LINGO2: variants seen among roughly 807,000 people sequenced by gnomAD.
The protein encoded by LINGO2 is leucine-rich repeat and immunoglobulin-like domain-containing nogo receptor-interacting protein 2.
LINGO2 carries 14 observed loss-of-function variants against 30.6 expected under a neutral mutation model. That is an observed-to-expected ratio of 0.46 (90% CI 0.30 to 0.72). LINGO2 has a LOEUF of 0.72. Among genes scored for constraint, LINGO2 ranks in the 30% least tolerant of loss-of-function variants. LINGO2 has a pLI of 0.07. For missense variants in LINGO2, 729 were observed against 751.7 expected (o/e 0.97, Z 0.35); for synonymous variants, 317 against 288.5 (o/e 1.10, Z -1.00).
intron 4 of LINGO2, among the ~76,000 whole-genome samples, chr9:28,060,771 G>T (rs1036240634): frequency 7.2e-5 from 11 of 152,150 alleles, no homozygotes; most frequent in Non-Finnish European, 1.5e-4. Context: ...TCAGTCCAAG[G>T]TTGGGCAAAT....
At position 28,425,993 on chromosome 9, in the gene LINGO2, T is replaced by G. The variant is rs374151210; in HGVS notation, c.-279+49947A>C. Among the ~76,000 whole-genome samples, 17 of 152,208 alleles carry G rather than the reference T, an allele frequency of 1.1e-4. 1 individual carries two copies. The East Asian group carries it at 3.1e-3, about 28-fold the overall frequency. Reference sequence around the variant, plus strand: ...TTTCAAGATTAAATTCATCTATAACTATAATTTGCTTTGCTTCAGAGAAGA... The same window carrying G: ...TTTCAAGATTAAATTCATCTATAACGATAATTTGCTTTGCTTCAGAGAAGA... On this transcript the variant is annotated intron_variant, in intron 2 of 5. Transcript: ENST00000379992.
At chr9:28,614,352 T>G (rs1826046009) in intron 1 of LINGO2, among the ~76,000 whole-genome samples, 2 of 152,070 alleles carry the variant, frequency 1.3e-5, no homozygotes, top group African/African-American at 4.8e-5. Context: ...TTAGTGAAAA[T>G]AACGAAAAAT....
At chr9:28,721,146 C>T in the LINGO2 span, among the ~76,000 whole-genome samples, 10 of 152,058 alleles carry the variant, frequency 6.6e-5, no homozygotes, top group East Asian at 3.9e-4. Flanking sequence ...GTTAGAATGG[C>T]GATCATTAAC....
the LINGO2 span, among the ~76,000 whole-genome samples, chr9:28,953,951 G>C: frequency 2.0e-5 from 3 of 152,014 alleles, no homozygotes; most frequent in Middle Eastern, 3.4e-3. Flanking sequence ...CACTAAATTA[G>C]GCATAATCAA....
chr9:28,281,549 A>T (rs563439370), intron 4 of LINGO2, among the ~76,000 whole-genome samples: 64 of 152,216 alleles, frequency 4.2e-4, no homozygotes, highest in Non-Finnish European at 7.5e-4. Flanking sequence ...AAACTGAATG[A>T]TCAACATCTA....
upstream of LINGO2, among the ~76,000 whole-genome samples, chr9:28,675,252 A>C (rs1462290141): frequency 2.0e-5 from 3 of 152,156 alleles, no homozygotes. Context: ...CACTGCCTTT[A>C]AAGTTTCAAA....
intron 4 of LINGO2, among the ~76,000 whole-genome samples, chr9:28,247,976 T>G (rs1822062268): frequency 6.6e-6 from 1 of 152,146 alleles, no homozygotes; most frequent in African/African-American, 2.4e-5. Flanking sequence ...AGAGAGGATG[T>G]GGAAAAAAGG....
At chr9:28,194,394 G>A (rs1172166176) in intron 4 of LINGO2, among the ~76,000 whole-genome samples, 2 of 152,116 alleles carry the variant, frequency 1.3e-5, no homozygotes, top group African/African-American at 2.4e-5. Context: ...CCAGTTTACA[G>A]ATGTGGAAAT....
intron 1 of LINGO2, among the ~76,000 whole-genome samples, chr9:28,547,657 T>C (rs1309758315): frequency 6.6e-6 from 1 of 152,052 alleles, no homozygotes; most frequent in Non-Finnish European, 1.5e-5. Context: ...AGAAATGAAA[T>C]ACAGTGCTAA....
intron 1 of LINGO2, among the ~76,000 whole-genome samples, chr9:28,513,703 C>T (rs1820506594): frequency 6.6e-6 from 1 of 152,086 alleles, no homozygotes; most frequent in African/African-American, 2.4e-5. Context: ...ACATAGTAGT[C>T]TATTTTTCTT....
chr9:28,901,908 T>G, the LINGO2 span, among the ~76,000 whole-genome samples: 1 of 152,132 alleles, frequency 6.6e-6, no homozygotes, highest in South Asian at 2.1e-4. Context: ...AGACATAGAT[T>G]GACCAGGAAC....
At chr9:28,588,391 G>A in intron 1 of LINGO2, among the ~76,000 whole-genome samples, 1 of 151,954 alleles carries the variant, frequency 6.6e-6, no homozygotes, top group East Asian at 1.9e-4. Context: ...TTGCAGACTT[G>A]TTATCCAGTA....
the LINGO2 span, among the ~76,000 whole-genome samples, chr9:28,941,413 G>C: frequency 6.6e-6 from 1 of 152,098 alleles, no homozygotes; most frequent in Non-Finnish European, 1.5e-5. Context: ...AGCATATAAT[G>C]ATAGTACCAC....
chr9:28,929,584 A>G, the LINGO2 span, among the ~76,000 whole-genome samples: 1 of 152,096 alleles, frequency 6.6e-6, no homozygotes, highest in Admixed American at 6.6e-5. Context: ...TTTATTACTG[A>G]TCCTGAGGAG....
chr9:28,765,695 C>G, the LINGO2 span, among the ~76,000 whole-genome samples: 1 of 151,980 alleles, frequency 6.6e-6, no homozygotes, highest in Admixed American at 6.6e-5. Flanking sequence ...AAATTTCTCA[C>G]CAGAAGCTGC....
intron 4 of LINGO2, among the ~76,000 whole-genome samples, chr9:28,084,020 T>C (rs1825842528): frequency 6.6e-6 from 1 of 152,186 alleles, no homozygotes; most frequent in Admixed American, 6.6e-5. Flanking sequence ...CATATCCTCC[T>C]AGACCTTCTT....
chr9:28,260,875 T>C (rs182494622), intron 4 of LINGO2, among the ~76,000 whole-genome samples: 2 of 152,106 alleles, frequency 1.3e-5, no homozygotes, highest in Admixed American at 6.6e-5. Flanking sequence ...TATTCAGTGA[T>C]ACGAGCATTC....
rs115714543 is a variant in LINGO2 at position 28,665,706 on chromosome 9, T to C, written c.-365+4494A>G. On this transcript the variant is annotated intron_variant, in intron 1 of 5. Transcript: ENST00000379992. ...TTCTATAGAGAAAATATAAAGCTTTTAATAGCCTTGTTTAAACAACTGGTA... is the reference window on the plus strand; with the variant it reads ...TTCTATAGAGAAAATATAAAGCTTTCAATAGCCTTGTTTAAACAACTGGTA... Among the ~76,000 whole-genome samples, 1,405 of 152,266 alleles carry C rather than the reference T, an allele frequency of 9.2e-3. 21 individuals are homozygous for C. Among genetic ancestry groups the C allele is most frequent in the African/African-American group, 0.033 (1,352 of 41,552 alleles).
chr9:28,125,874 T>G (rs1000656160), intron 4 of LINGO2, among the ~76,000 whole-genome samples: 4 of 152,204 alleles, frequency 2.6e-5, no homozygotes, highest in Admixed American at 6.5e-5. Flanking sequence ...ATTTCCCAAA[T>G]GTCTCTAATT....
Sources: gnomAD v4.1 joint callset for allele counts (sites outside exome capture counted in the v4.1 genomes callset) on GRCh38, gnomAD v4.1.1 for gene constraint, MANE v1.5 for transcripts, NCBI Gene and HGNC (gene_info 2026-07-23, HGNC 2026-07-21) for gene names.